Variants in PCDH8 observed in about 807,000 individuals in gnomAD.
PCDH8 encodes the protein protocadherin 8.
Under a neutral mutation model 58.2 loss-of-function variants are expected in PCDH8, and 36 were observed. The ratio of observed to expected loss-of-function variants is 0.62; its 90% CI spans 0.47 to 0.82. The LOEUF (loss-of-function observed/expected upper bound fraction) is 0.82, where lower values mean the gene tolerates loss of function less well. Ranked by LOEUF, PCDH8 falls within the 40% of genes least tolerant of loss-of-function variation. PCDH8 has a pLI of 0.00. For missense variants in PCDH8, 1,493 were observed against 1,567.8 expected, an observed-to-expected ratio of 0.95 and a Z score of 0.81; for synonymous variants, 775 against 728.9, an observed-to-expected ratio of 1.06 and a Z score of -1.02.
chr13:52,845,441 G>C lies in PCDH8; in HGVS notation c.2823C>G (p.Ile941Met). Residue 941 changes from isoleucine to methionine, a missense_variant, in exon 2 of 3, where the codon ATC (isoleucine) becomes ATG (methionine). By Grantham distance (10) the Ile-to-Met change is conservative (BLOSUM62 1). Around this residue, in one of 3 missense-constraint regions of PCDH8, gnomAD observed 182 missense variants for 178.9 expected, o/e 1.02. Coordinates refer to ENST00000377942, the MANE Select transcript of PCDH8 (RefSeq NM_002590.4). ...AGTCCTCACCACTCTGCATGTGGTT[G>C]ATGAGATCCTTTTTCAGAGCGTCCC... The part of the protein sequence containing the change: ...ISGDALKKDL[I>M]NHMQSGLWAC... 6.2e-7 allele frequency: 1 copy of C among 1,614,200 alleles called. No individual in the cohort carries two copies. The highest frequency in any genetic ancestry group is 8.5e-7 in the Non-Finnish European group (1 of 1,180,016).
Position 52,847,476 on chromosome 13 carries a change from C to G in PCDH8, c.961G>C (p.Glu321Gln), listed in dbSNP as rs777715770. The change falls in exon 1 of 3, where the codon GAG becomes CAG. Residue 321 changes from glutamate (E) to glutamine (Q), a missense_variant. By Grantham distance (29) the Glu-to-Gln change is conservative (BLOSUM62 2). This residue lies in a region of PCDH8 where 1,307 missense variants were observed against 1,362.7 expected (regional missense o/e 0.96). Transcript: ENST00000377942. ...CGGTCCTGCGCCCGCACGTCCAGCT[C>G]GTAGGTGTCCTGACGCTCGTAGTCC... ...PVDYERQDTY[E>Q]LDVRAQDRGP... 2 of 1,592,200 alleles carry G rather than the reference C, an allele frequency of 1.3e-6. No homozygotes were observed. The highest frequency in any genetic ancestry group is 3.4e-5 in the Admixed American group (2 of 59,132).
rs201879483 is a variant in PCDH8 at position 52,846,354 on chromosome 13, C to T, written c.2083G>A (p.Gly695Ser). 670 of 1,568,194 alleles carry T rather than the reference C, an allele frequency of 4.3e-4. 3 individuals are homozygous for T. In the African/African-American group the frequency reaches 8.3e-3, roughly 19 times the overall value. The change falls in exon 1 of 3, where the codon GGC (glycine) becomes AGC (serine). Residue 695 changes from glycine (G) to serine (S), a missense_variant. Physicochemically the swap from Gly to Ser is moderately conservative, Grantham distance 56. Around this residue, in one of 3 missense-constraint regions of PCDH8, gnomAD observed 1,307 missense variants for 1,362.7 expected, o/e 0.96. Transcript: ENST00000377942. ...VFRALLVISD[G>S]GRPPLTTTAT... ...GTGGTGGTGAGCGGGGGACGGCCGC[C>T]GTCGGATATGACCAGGAGCGCCCTG...
At position 52,844,507 on chromosome 13, in the gene PCDH8, C is replaced by G; in HGVS notation, c.*53G>C. ...ATACAACACTGAAACCGGTCAATAA[C>G]TTAGGGGCTTCTCGGAGTGACCTGT... is the stretch of plus-strand genomic sequence containing the variant. On this transcript the variant is annotated 3_prime_UTR_variant, in exon 3 of 3. Transcript: ENST00000377942. The G allele has an allele frequency of 1.4e-6, 2 of 1,471,016 alleles. No individual in the cohort carries two copies. Among genetic ancestry groups the G allele is most frequent in the Non-Finnish European group, 1.8e-6 (2 of 1,097,872 alleles). 91.1% of individuals were successfully genotyped at this position (1,471,016 alleles called of 1,614,324 possible).
In PCDH8 at chr13:52,847,937, T is replaced by C. The variant is rs1965771236; in HGVS notation, c.500A>G (p.Asn167Ser). 1 of 1,606,766 alleles carries C rather than the reference T, an allele frequency of 6.2e-7. No homozygotes were observed. The highest frequency in any genetic ancestry group is 8.5e-7 in the Non-Finnish European group (1 of 1,178,228). ...GGCCAGGCGCACGGTCTGCAGCCCGTTGGCGCCCACGTCCTCGTCCACCGG... is the reference window on the plus strand; with the variant it reads ...GGCCAGGCGCACGGTCTGCAGCCCGCTGGCGCCCACGTCCTCGTCCACCGG... ...EVPVDEDVGA[N>S]GLQTVRLAEP... Residue 167 changes from asparagine (N) to serine (S), a missense_variant, in exon 1 of 3, where the codon AAC becomes AGC. Physicochemically the swap from Asn to Ser is conservative, Grantham distance 46. Coordinates refer to ENST00000377942, the MANE Select transcript of PCDH8 (RefSeq NM_002590.4).
Position 52,846,187 on chromosome 13 carries a change from C to G in PCDH8, c.2250G>C (p.Leu750=), listed in dbSNP as rs376693538. 1.0e-5 allele frequency: 16 copies of G among 1,587,544 alleles called. No homozygotes were observed. The African/African-American group carries it at 1.2e-4, about 12-fold the overall frequency. ...TCCCGGCCAGCACGATGATGACGAT[C>G]AGCGGCGTGTCCCATTGCAGCACCG... is the stretch of plus-strand genomic sequence containing the variant. ...SGSVLQWDTP[L]IVIIVLAGSC... The change falls in exon 1 of 3, where the codon CTG becomes CTC. Residue 750 remains leucine (L), a synonymous_variant. Transcript: ENST00000377942.
At position 52,847,200 on chromosome 13, in the gene PCDH8, G is replaced by C. The variant is rs551581913; in HGVS notation, c.1237C>G (p.Leu413Val). Residue 413 changes from leucine to valine, a missense_variant, in exon 1 of 3, where the codon CTG becomes GTG. Leu to Val is a conservative substitution (Grantham distance 32). Coordinates refer to ENST00000377942, the MANE Select transcript of PCDH8 (RefSeq NM_002590.4). ...EGAARESLVA[L>V]VSTSDRDSGA... ...GAGTCCCTGTCCGAGGTGCTGACCA[G>C]GGCCACCAGGCTCTCGCGCGCCGCC... 1.9e-5 allele frequency: 27 copies of C among 1,435,286 alleles called. No individual in the cohort carries two copies. Among genetic ancestry groups the C allele is most frequent in the Middle Eastern group, 1.9e-4 (1 of 5,220 alleles). 88.9% of individuals were successfully genotyped at this position (1,435,286 alleles called of 1,614,324 possible).
chr13:52,848,262 C>G lies in PCDH8; in HGVS notation c.175G>C (p.Gly59Arg). The change falls in exon 1 of 3, where the codon GGT becomes CGT. Residue 59 changes from glycine to arginine, a missense_variant. By Grantham distance (125) the Gly-to-Arg change is moderately radical. Transcript: ENST00000377942. ...TTCATCAGGCGGAAGCTTGTGTCAC[C>G]CGATACTTTCATATGCAGGTCCTCG... The part of the protein sequence containing the change: ...LAEDLHMKVS[G>R]DTSFRLMKQF... 6.2e-7 allele frequency: 1 copy of G among 1,613,746 alleles called. No individual in the cohort carries two copies. Among genetic ancestry groups the G allele is most frequent in the Non-Finnish European group, 8.5e-7 (1 of 1,180,042 alleles).
At position 52,846,820 on chromosome 13, in the gene PCDH8, G is replaced by C. The variant is rs758033662; in HGVS notation, c.1617C>G (p.Ala539=). 643 of 1,549,558 alleles carry C rather than the reference G, an allele frequency of 4.1e-4. No homozygotes were observed. The highest frequency in any genetic ancestry group is 5.3e-4 in the Non-Finnish European group (616 of 1,153,952). Residue 539 remains alanine (A), a synonymous_variant, in exon 1 of 3, where the codon GCC becomes GCG. Coordinates refer to ENST00000377942, the MANE Select transcript of PCDH8 (RefSeq NM_002590.4). The part of the protein sequence containing the change: ...NGQVTYRLLE[A]EVGRAGGAVS... Reference sequence around the variant, plus strand: ...CGGCGCCCCCGGCGCGGCCCACCTCGGCCTCCAGCAGCCGGTAGGTGACCT... The same window carrying C: ...CGGCGCCCCCGGCGCGGCCCACCTCCGCCTCCAGCAGCCGGTAGGTGACCT...
intron 2 of PCDH8, 78 bp from the exon 3 acceptor site, chr13:52,845,011 G>T: frequency 1.4e-6 from 2 of 1,440,360 alleles, no homozygotes; most frequent in Admixed American, 2.4e-5. Context: ...TCTTCAGCAT[G>T]TCAGCCTGGG....
Position 52,847,152 on chromosome 13 carries a change from A to G in PCDH8, c.1285T>C (p.Cys429Arg), listed in dbSNP as rs1374732217. The change falls in exon 1 of 3, where the codon TGC becomes CGC. Residue 429 changes from cysteine to arginine, a missense_variant. By Grantham distance (180) the Cys-to-Arg change is radical. Around this residue, in one of 3 missense-constraint regions of PCDH8, gnomAD observed 1,307 missense variants for 1,362.7 expected, o/e 0.96. Coordinates refer to ENST00000377942, the MANE Select transcript of PCDH8 (RefSeq NM_002590.4). The stretch of plus-strand genomic sequence containing the variant: ...AAGTGCTCGTGCCCATAGAGGGCGC[A>G]GCGCACTTGCCCGTTGGCGCCCGAG... The part of the protein sequence containing the change: ...RDSGANGQVR[C>R]ALYGHEHFRL... 1 of 1,523,128 alleles carries G rather than the reference A, an allele frequency of 6.6e-7. No individual in the cohort carries two copies. The highest frequency in any genetic ancestry group is 8.7e-7 in the Non-Finnish European group (1 of 1,143,158). 94.4% of individuals were successfully genotyped at this position (1,523,128 alleles called of 1,614,324 possible). A position where few individuals can be genotyped will look rare whatever the true frequency, so the allele number is the denominator to read the frequency against.
In PCDH8 at chr13:52,843,436, G is replaced by A. The variant is rs1965689192; in HGVS notation, c.*1124C>T. 1 of 152,208 alleles carries A rather than the reference G, an allele frequency of 6.6e-6. No individual in the cohort carries two copies. The highest frequency in any genetic ancestry group is 1.5e-5 in the Non-Finnish European group (1 of 68,046). 9.4% of individuals were successfully genotyped at this position (152,208 alleles called of 1,614,324 possible). ...CCATAAATTTGAGTGGAATAGAGCT[G>A]ATAGTTACTTTGGAGACTGGCTCCA... On this transcript the variant is annotated 3_prime_UTR_variant, in exon 3 of 3. Transcript: ENST00000377942.
rs932939723 is a variant in PCDH8 at position 52,848,639 on chromosome 13, C to T, written c.-203G>A. 1 of 1,088,278 alleles carries T rather than the reference C, an allele frequency of 9.2e-7. No homozygotes were observed. The highest frequency in any genetic ancestry group is 1.2e-6 in the Non-Finnish European group (1 of 807,794). The allele number at this position is 1,088,278 out of a possible 1,614,324, so 67.4% of individuals were successfully genotyped here. A position where few individuals can be genotyped will look rare whatever the true frequency, so the allele number is the denominator to read the frequency against. On this transcript the variant is annotated 5_prime_UTR_variant, in exon 1 of 3. Coordinates refer to ENST00000377942, the MANE Select transcript of PCDH8 (RefSeq NM_002590.4). ...TGCGCCTCTCCGTCTCTTACAGAAGCTGCGCCGCCTCGCGCCGCCTTTGCC... is the reference window on the plus strand; with the variant it reads ...TGCGCCTCTCCGTCTCTTACAGAAGTTGCGCCGCCTCGCGCCGCCTTTGCC...
At position 52,847,083 on chromosome 13, in the gene PCDH8, C is replaced by A; in HGVS notation, c.1354G>T (p.Ala452Ser). The change falls in exon 1 of 3, where the codon GCG becomes TCG. Residue 452 changes from alanine to serine, a missense_variant. This residue lies in a region of PCDH8 where 1,307 missense variants were observed against 1,362.7 expected (regional missense o/e 0.96). Coordinates refer to ENST00000377942, the MANE Select transcript of PCDH8 (RefSeq NM_002590.4). Reference protein sequence around the residue: ...AYAGSYLVVTAASLDRERIAE... With the variant: ...AYAGSYLVVTSASLDRERIAE... ...ATGCGTTCGCGGTCCAGCGACGCCGCGGTCACCACCAGGTAGCTGCCCGCG... is the reference window on the plus strand; with the variant it reads ...ATGCGTTCGCGGTCCAGCGACGCCGAGGTCACCACCAGGTAGCTGCCCGCG... 6.4e-7 allele frequency: 1 copy of A among 1,556,064 alleles called. No homozygotes were observed. The highest frequency in any genetic ancestry group is 8.7e-7 in the Non-Finnish European group (1 of 1,154,738).
At position 52,847,342 on chromosome 13, in the gene PCDH8, C is replaced by T. The variant is rs776700821; in HGVS notation, c.1095G>A (p.Pro365=). The T allele has an allele frequency of 6.9e-7, 1 of 1,458,862 alleles. No homozygotes were observed. Among genetic ancestry groups the T allele is most frequent in the Non-Finnish European group, 9.0e-7 (1 of 1,112,074 alleles). 90.4% of individuals were successfully genotyped at this position (1,458,862 alleles called of 1,614,324 possible). A position where few individuals can be genotyped will look rare whatever the true frequency, so the allele number is the denominator to read the frequency against. ...AITPLAAPGA[P]ATSPFAAAAA... ...CGGCAGCGGCGAAGGGTGAGGTTGC[C>T]GGCGCGCCTGGGGCGGCCAGCGGGG... is the stretch of plus-strand genomic sequence containing the variant. The change falls in exon 1 of 3, where the codon CCG becomes CCA. Residue 365 remains proline, a synonymous_variant. Coordinates refer to ENST00000377942, the MANE Select transcript of PCDH8 (RefSeq NM_002590.4).
Position 52,847,221 on chromosome 13 carries a change from C to T in PCDH8, c.1216G>A (p.Ala406Thr), listed in dbSNP as rs1194309259. The change falls in exon 1 of 3, where the codon GCG (alanine) becomes ACG (threonine). Residue 406 changes from alanine (A) to threonine (T), a missense_variant. Ala to Thr is a moderately conservative substitution (Grantham distance 58, BLOSUM62 0). Coordinates refer to ENST00000377942, the MANE Select transcript of PCDH8 (RefSeq NM_002590.4). The part of the protein sequence containing the change: ...GATSLVPEGA[A>T]RESLVALVST... The stretch of plus-strand genomic sequence containing the variant: ...ACCAGGGCCACCAGGCTCTCGCGCG[C>T]CGCCCCCTCCGGCACCAGCGAAGTG... 7.1e-7 allele frequency: 1 copy of T among 1,401,478 alleles called. No individual in the cohort carries two copies. The highest frequency in any genetic ancestry group is 1.6e-5 in the South Asian group (1 of 61,600). 86.8% of individuals were successfully genotyped at this position (1,401,478 alleles called of 1,614,324 possible).
rs748722398 is a variant in PCDH8 at position 52,846,340 on chromosome 13, C to A, written c.2097G>T (p.Pro699=). ...AGCTGACAGTTGCGGTGGTGGTGAG[C>A]GGGGGACGGCCGCCGTCGGATATGA... is the stretch of plus-strand genomic sequence containing the variant. The part of the protein sequence containing the change: ...LLVISDGGRP[P]LTTTATVSFV... The change falls in exon 1 of 3, where the codon CCG becomes CCT. Residue 699 remains proline (P), a synonymous_variant. Coordinates refer to ENST00000377942, the MANE Select transcript of PCDH8 (RefSeq NM_002590.4). 1.9e-6 allele frequency: 3 copies of A among 1,564,920 alleles called. No individual in the cohort carries two copies. The Admixed American group carries it at 5.3e-5, about 28-fold the overall frequency.
In PCDH8 at chr13:52,848,081, A is replaced by G. The variant is rs148945923; in HGVS notation, c.356T>C (p.Val119Ala). Residue 119 changes from valine (V) to alanine (A), a missense_variant, in exon 1 of 3, where the codon GTG becomes GCG. Around this residue, in one of 3 missense-constraint regions of PCDH8, gnomAD observed 1,307 missense variants for 1,362.7 expected, o/e 0.96. Coordinates refer to ENST00000377942, the MANE Select transcript of PCDH8 (RefSeq NM_002590.4). The part of the protein sequence containing the change: ...VSFSQEQFRL[V>A]HVEVEVRDVN... ...GTCCCTCACCTCTACCTCCACGTGC[A>G]CCAGCCGGAACTGCTCCTGCGAGAA... is the stretch of plus-strand genomic sequence containing the variant. 17 of 1,612,496 alleles carry G rather than the reference A, an allele frequency of 1.1e-5. No homozygotes were observed. The African/African-American group carries it at 2.0e-4, about 19-fold the overall frequency.
Position 52,848,049 on chromosome 13 carries a change from C to T in PCDH8, c.388G>A (p.Asp130Asn), listed in dbSNP as rs1238643874. The change falls in exon 1 of 3, where the codon GAC becomes AAC. Residue 130 changes from aspartate (D) to asparagine (N), a missense_variant. This residue lies in a region of PCDH8 where 1,307 missense variants were observed against 1,362.7 expected (regional missense o/e 0.96). Transcript: ENST00000377942. ...GCCCTGGGGAAGCGCGGCGCGTGGT[C>T]GTTGACGTCCCTCACCTCTACCTCC... ...HVEVEVRDVN[D>N]HAPRFPRAQI... The T allele has an allele frequency of 1.7e-5, 28 of 1,611,972 alleles. No homozygotes were observed. Among genetic ancestry groups the T allele is most frequent in the Non-Finnish European group, 2.2e-5 (26 of 1,179,304 alleles).
chr13:52,846,166 G>A lies in PCDH8; in HGVS notation c.2271C>T (p.Ala757=), dbSNP rs779835907. Residue 757 remains alanine, a synonymous_variant, in exon 1 of 3, where the codon GCC becomes GCT. Coordinates refer to ENST00000377942, the MANE Select transcript of PCDH8 (RefSeq NM_002590.4). The stretch of plus-strand genomic sequence containing the variant: ...CGGCCAGCAGCAGCGTGCAGCTCCC[G>A]GCCAGCACGATGATGACGATCAGCG... ...DTPLIVIIVL[A]GSCTLLLAAI... is the part of the protein sequence containing the mutation. 8.8e-6 allele frequency: 14 copies of A among 1,586,916 alleles called. No homozygotes were observed. The South Asian group carries it at 1.6e-4, about 18-fold the overall frequency.
Sources: allele counts gnomAD v4.1 joint callset, GRCh38; gene constraint gnomAD v4.1.1; regional missense constraint gnomAD v4.1.1; transcripts MANE v1.5; gene names NCBI Gene and HGNC (gene_info 2026-07-23, HGNC 2026-07-21).